Variants in RCC1 observed in about 807,000 individuals in gnomAD.
RCC1 encodes regulator of chromosome condensation.
A neutral mutation model predicts 44.4 loss-of-function variants in RCC1; 11 were observed. That is an observed-to-expected ratio of 0.25 (90% CI 0.16 to 0.41). The LOEUF is 0.41. Ranked by LOEUF, RCC1 falls within the 10% of genes least tolerant of loss-of-function variation. The pLI is 1.00. For synonymous variants in RCC1, 213 were observed against 216.5 expected (o/e 0.98, Z 0.14); for missense variants, 386 against 547.1 (o/e 0.71, Z 2.94).
At position 28,532,264 on chromosome 1, in the gene RCC1, G is replaced by A. The variant is rs746749013; in HGVS notation, c.355G>A (p.Glu119Lys). 8 of 1,614,080 alleles carry A rather than the reference G, an allele frequency of 5.0e-6. No individual in the cohort carries two copies. The African/African-American group carries it at 1.1e-4, about 22-fold the overall frequency. Reference protein sequence around the residue: ...EMVPGKVELQEKVVQVSAGDS... With the variant: ...EMVPGKVELQKKVVQVSAGDS... ...GGTCCCTGGGAAAGTGGAGCTGCAA[G>A]AGAAGGTGGTACAGGTGTCAGCAGG... Residue 119 changes from glutamate to lysine, a missense_variant, in exon 7 of 13, where the codon GAG becomes AAG. Coordinates refer to ENST00000683442, the MANE Select transcript of RCC1 (RefSeq NM_001381865.2).
At chr1:28,525,147 T>C (rs3958009) in intron 4 of RCC1, among the ~76,000 whole-genome samples, 12,276 of 152,114 alleles carry the variant, frequency 0.081, 986 homozygotes, top group African/African-American at 0.21. Flanking sequence ...GGGGGCTGCA[T>C]GCACTGGTTA....
At chr1:28,515,866 G>A (rs1464423781) in intron 3 of RCC1, among the ~76,000 whole-genome samples, 1 of 152,070 alleles carries the variant, frequency 6.6e-6, no homozygotes, top group Non-Finnish European at 1.5e-5. Flanking sequence ...GGCAAAAATG[G>A]TGAAACCCGG....
chr1:28,506,489 A>G (rs991534709), intron 1 of RCC1: 3 of 315,996 alleles, frequency 9.5e-6, no homozygotes, highest in Non-Finnish European at 1.8e-5. Flanking sequence ...CTGGCCGGAA[A>G]TCATGTAATT....
intron 4 of RCC1, among the ~76,000 whole-genome samples, chr1:28,523,651 C>G (rs999933550): frequency 6.6e-6 from 1 of 152,200 alleles, no homozygotes; most frequent in Admixed American, 6.5e-5. Flanking sequence ...TCAGCACCAA[C>G]TGTGCTGACA....
chr1:28,519,505 A>C (rs1663136426), intron 4 of RCC1, among the ~76,000 whole-genome samples: 1 of 152,168 alleles, frequency 6.6e-6, no homozygotes, highest in Non-Finnish European at 1.5e-5. Flanking sequence ...CAACCCACCC[A>C]GTCCCCCAGA....
In RCC1 at chr1:28,538,207, A is replaced by T; in HGVS notation, c.*200A>T. On this transcript the variant is annotated 3_prime_UTR_variant, in exon 13 of 13. Transcript: ENST00000683442. ...AATTTTCCTGGGACCTACAGAATAA[A>T]GGGGGGGATGGACAGGGGGTTTTCA... The T allele has an allele frequency of 2.2e-6, 1 of 448,918 alleles. No homozygotes were observed. Among genetic ancestry groups the T allele is most frequent in the Admixed American group, 3.6e-5 (1 of 27,718 alleles). The allele number at this position is 448,918 out of a possible 1,614,324, so 27.8% of individuals were successfully genotyped here.
intron 2 of RCC1, 136 bp downstream of exon 2, chr1:28,508,296 T>C (rs144084025): frequency 8.5e-6 from 3 of 354,692 alleles, no homozygotes; most frequent in Admixed American, 3.7e-5. Context: ...CTCAGAGCAA[T>C]AGCCAAATAT....
At position 28,536,471 on chromosome 1, in the gene RCC1, C is replaced by G. The variant is rs1664563177; in HGVS notation, c.937+90C>G. The G allele has an allele frequency of 6.7e-7, 1 of 1,493,826 alleles. No homozygotes were observed. The highest frequency in any genetic ancestry group is 9.0e-7 in the Non-Finnish European group (1 of 1,107,392). The allele number at this position is 1,493,826 out of a possible 1,614,324, so 92.5% of individuals were successfully genotyped here. On this transcript the variant is annotated intron_variant, in intron 11 of 12. Coordinates refer to ENST00000683442, the MANE Select transcript of RCC1 (RefSeq NM_001381865.2). This position sits in a 1 kb window ranked among gnomAD's most constrained non-coding sequence, Gnocchi z 4.9. ...TTCCTGAGACCATGGTCCTTGGAGCCTGGGTCTGTTCCATGGGTTGTACCA... is the reference window on the plus strand; with the variant it reads ...TTCCTGAGACCATGGTCCTTGGAGCGTGGGTCTGTTCCATGGGTTGTACCA...
intron 3 of RCC1, among the ~76,000 whole-genome samples, chr1:28,515,212 C>A (rs1269471562): frequency 6.6e-6 from 1 of 152,092 alleles, no homozygotes; most frequent in South Asian, 2.1e-4. Context: ...ATTGCTTGAA[C>A]CCAGGAGGCA....
intron 2 of RCC1, 39 bp from the exon 3 acceptor site, chr1:28,508,791 G>A (rs769801706): frequency 1.4e-5 from 7 of 518,514 alleles, no homozygotes; most frequent in South Asian, 8.4e-5. Context: ...AGTTGAAGTA[G>A]GATCTTCAGG....
intron 5 of RCC1, chr1:28,530,395 T>G: frequency 6.7e-6 from 5 of 744,638 alleles, no homozygotes; most frequent in Non-Finnish European, 1.1e-5. Flanking sequence ...CCTGGCAGCA[T>G]TTGAGGGAGG....
Position 28,517,234 on chromosome 1 carries a change from T to A in RCC1, c.-10+367T>A, listed in dbSNP as rs568461515. On this transcript the variant is annotated intron_variant, in intron 4 of 12. Coordinates refer to ENST00000683442, the MANE Select transcript of RCC1 (RefSeq NM_001381865.2). ...GAATCAACATGAAATCGAGAAAACGTCCTTTGCAAGGGTTTCAGGGAACAC... is the reference window on the plus strand; with the variant it reads ...GAATCAACATGAAATCGAGAAAACGACCTTTGCAAGGGTTTCAGGGAACAC... 7.9e-5 allele frequency among the ~76,000 whole-genome samples: 12 copies of A among 152,190 alleles called. No individual in the cohort carries two copies. The East Asian group carries it at 2.3e-3, about 29-fold the overall frequency.
At chr1:28,530,623 C>T (rs1233743711) in intron 5 of RCC1, 1 of 1,597,428 alleles carries the variant, frequency 6.3e-7, no homozygotes, top group Non-Finnish European at 8.5e-7. Flanking sequence ...CAGGTGGCTC[C>T]GCGCCCGGGG....
At chr1:28,530,846 G>A (rs1339881871) in intron 5 of RCC1, among the ~76,000 whole-genome samples, 3 of 152,218 alleles carry the variant, frequency 2.0e-5, no homozygotes, top group African/African-American at 4.8e-5. Context: ...GTCCGTTTCT[G>A]CAGTGGATTT....
chr1:28,537,561 T>G (rs1282948305), intron 12 of RCC1, among the ~76,000 whole-genome samples: 2 of 152,204 alleles, frequency 1.3e-5, no homozygotes, highest in East Asian at 3.9e-4. Context: ...TGGCTGGTCC[T>G]GGGAACAGAG....
Position 28,535,093 on chromosome 1 carries a change from G to C in RCC1, c.485G>C (p.Ser162Thr). The C allele has an allele frequency of 6.2e-7, 1 of 1,614,196 alleles. No individual in the cohort carries two copies. The highest frequency in any genetic ancestry group is 8.5e-7 in the Non-Finnish European group (1 of 1,180,024). ...GGACTGTTGGAGCCCATGAAGAAGA[G>C]CATGGTGCCTGTGCAGGTGCAGCTG... Reference protein sequence around the residue: ...VIGLLEPMKKSMVPVQVQLDV... With the variant: ...VIGLLEPMKKTMVPVQVQLDV... The change falls in exon 8 of 13, where the codon AGC becomes ACC. Residue 162 changes from serine to threonine, a missense_variant. Coordinates refer to ENST00000683442, the MANE Select transcript of RCC1 (RefSeq NM_001381865.2).
At chr1:28,526,485 G>A in intron 4 of RCC1, 2 of 568,744 alleles carry the variant, frequency 3.5e-6, no homozygotes, top group Non-Finnish European at 3.4e-6. Context: ...ATTTATCCAG[G>A]CAAGACGGCT....
At position 28,536,463 on chromosome 1, in the gene RCC1, C is replaced by T; in HGVS notation, c.937+82C>T. 1 of 1,528,784 alleles carries T rather than the reference C, an allele frequency of 6.5e-7. No individual in the cohort carries two copies. 94.7% of individuals were successfully genotyped at this position (1,528,784 alleles called of 1,614,324 possible). A position where few individuals can be genotyped will look rare whatever the true frequency, so the allele number is the denominator to read the frequency against. ...TAGCCAGATTCCTGAGACCATGGTC[C>T]TTGGAGCCTGGGTCTGTTCCATGGG... On this transcript the variant is annotated intron_variant, in intron 11 of 12. Transcript: ENST00000683442. The surrounding 1 kb of genome is among the most constrained non-coding windows in gnomAD (Gnocchi z 4.9).
At position 28,516,678 on chromosome 1, in the gene RCC1, CA is replaced by C. The variant is rs11318726; in HGVS notation, c.-152-43del. 2,620 of 315,414 alleles carry C rather than the reference CA, an allele frequency of 8.3e-3. 68 individuals carry two copies. Among genetic ancestry groups the C allele is most frequent in the African/African-American group, 0.051 (2,329 of 45,472 alleles). The allele number at this position is 315,414 out of a possible 1,614,324, so 19.5% of individuals were successfully genotyped here. On this transcript the variant is annotated intron_variant, in intron 3 of 12. Transcript: ENST00000683442. ...GTAGTTAACAAAATAAAGGGTCTTA[CA>C]AAATAGGCAATAATAATAATAATCA...
Sources: allele counts gnomAD v4.1 joint callset (sites outside exome capture counted in the v4.1 genomes callset), GRCh38; gene constraint gnomAD v4.1.1; non-coding constraint Gnocchi (gnomAD v3.1); transcripts MANE v1.5; gene names NCBI Gene and HGNC (gene_info 2026-07-23, HGNC 2026-07-21).